CFAP46: variants seen among roughly 807,000 people sequenced by gnomAD.
CFAP46 encodes cilia and flagella associated protein 46.
Under a neutral mutation model 325.7 loss-of-function variants are expected in CFAP46, and 245 were observed. That is an observed-to-expected ratio of 0.75 (90% confidence interval 0.68 to 0.84). CFAP46 has a LOEUF of 0.84. Ranked by LOEUF, CFAP46 falls within the 40% of genes least tolerant of loss-of-function variation. The pLI, the probability that CFAP46 is intolerant of heterozygous loss-of-function variation, is 0.00. For synonymous variants in CFAP46, 1,523 were observed against 1,495.9 expected, an observed-to-expected ratio of 1.02 and a Z score of -0.42; for missense variants, 3,346 against 3,543.0, an observed-to-expected ratio of 0.94 and a Z score of 1.41.
chr10:132,939,713 G>A lies in CFAP46; in HGVS notation c.372-960C>T, dbSNP rs897751865. Among the ~76,000 whole-genome samples the A allele has an allele frequency of 2.6e-5, 4 of 152,258 alleles. No homozygotes were observed. The highest frequency in any genetic ancestry group is 9.6e-5 in the African/African-American group (4 of 41,548). On this transcript the variant is annotated intron_variant, in intron 4 of 57. Transcript: ENST00000368586. This position sits in a 1 kb window ranked among gnomAD's most constrained non-coding sequence, Gnocchi z 4.6. ...ACGGTCACGCCTGCTTGAGTCAGAG[G>A]GGTCATCATGGGACTCCAGCGGCCT...
At position 132,922,644 on chromosome 10, in the gene CFAP46, GGTCCTC is replaced by G. The variant is rs1564801996; in HGVS notation, c.1315_1320del (p.Glu439_Asp440del). 1.7e-5 allele frequency: 27 copies of G among 1,549,784 alleles called. No individual in the cohort carries two copies. Among genetic ancestry groups the G allele is most frequent in the Non-Finnish European group, 2.1e-5 (24 of 1,146,832 alleles). ...AGGTGCTCCGTGGCGGGCTCCAGCC[GGTCCTC>G]GTCCTCCTCGATCTGCGCCATCTCC... On this transcript the variant is annotated inframe_deletion, in exon 12 of 58. Transcript: ENST00000368586.
chr10:132,939,896 G>A lies in CFAP46; in HGVS notation c.371+1100C>T, dbSNP rs1651223221. ...GTCCCACTGACACTGCCCTGGACAA[G>A]CCAGCGCTGCCCTCTCTCTCCACAC... On this transcript the variant is annotated intron_variant, in intron 4 of 57. Transcript: ENST00000368586. This position sits in a 1 kb window ranked among gnomAD's most constrained non-coding sequence, Gnocchi z 4.6. 6.6e-6 allele frequency among the ~76,000 whole-genome samples: 1 copy of A among 152,166 alleles called. No homozygotes were observed. The highest frequency in any genetic ancestry group is 2.1e-4 in the South Asian group (1 of 4,822).
intron 41 of CFAP46, among the ~76,000 whole-genome samples, chr10:132,849,168 G>A (rs1161292340): frequency 6.6e-6 from 1 of 152,192 alleles, no homozygotes; most frequent in Non-Finnish European, 1.5e-5. Context: ...ACCATCAGCA[G>A]CATTCATGGA....
chr10:132,922,039 G>A, intron 13 of CFAP46, 65 bp downstream of exon 13: 1 of 1,509,698 alleles, frequency 6.6e-7, no homozygotes, highest in South Asian at 1.2e-5. Flanking sequence ...GGAGGCCCCG[G>A]GGCAGCCTGG....
At chr10:132,930,634 C>A (rs2135682066) in intron 8 of CFAP46, among the ~76,000 whole-genome samples, 1 of 113,148 alleles carries the variant, frequency 8.8e-6, no homozygotes, top group Admixed American at 8.6e-5. Context: ...TCCCTCCTCT[C>A]CACACAGAGC....
At chr10:132,864,771 G>A (rs1471460725) in intron 35 of CFAP46, among the ~76,000 whole-genome samples, 7 of 110,220 alleles carry the variant, frequency 6.4e-5, no homozygotes, top group African/African-American at 1.9e-4. Context: ...CCTGAGACCT[G>A]AACACACCTG....
intron 39 of CFAP46, among the ~76,000 whole-genome samples, chr10:132,852,965 CTG>C (rs1252661465): frequency 6.6e-6 from 1 of 152,208 alleles, no homozygotes; most frequent in Non-Finnish European, 1.5e-5. Context: ...TTGCATAGGA[CTG>C]TGTATGCAGA....
intron 6 of CFAP46, 75 bp downstream of exon 6, chr10:132,937,477 T>G: frequency 1.3e-6 from 2 of 1,572,400 alleles, no homozygotes; most frequent in Non-Finnish European, 1.7e-6. Flanking sequence ...CTTATGTAAT[T>G]TCTACGCAGT....
At chr10:132,834,902 A>G in intron 47 of CFAP46, 127 bp from the exon 48 acceptor site, 2 of 1,347,100 alleles carry the variant, frequency 1.5e-6, no homozygotes, top group Non-Finnish European at 2.0e-6. Context: ...GGACAAGGGC[A>G]CCTGGCTCGG....
intron 55 of CFAP46, among the ~76,000 whole-genome samples, chr10:132,812,126 C>T (rs559991899): frequency 1.1e-3 from 166 of 152,340 alleles, no homozygotes; most frequent in Non-Finnish European, 1.9e-3. Flanking sequence ...CCTGACCACT[C>T]GCCCTGCGGT....
At chr10:132,836,095 C>T in intron 46 of CFAP46, 47 bp downstream of exon 46, 1 of 1,516,804 alleles carries the variant, frequency 6.6e-7, no homozygotes, top group East Asian at 2.4e-5. Flanking sequence ...CTCGCCCATG[C>T]TCCGCCTGCC....
intron 8 of CFAP46, among the ~76,000 whole-genome samples, 189 bp downstream of exon 8, chr10:132,934,563 T>C (rs1168006818): frequency 6.6e-6 from 1 of 152,202 alleles, no homozygotes; most frequent in East Asian, 1.9e-4. Context: ...GGTATGAAAG[T>C]ATTCGCAAGA....
chr10:132,907,547 T>G (rs1400403436), intron 22 of CFAP46, among the ~76,000 whole-genome samples: 1 of 152,248 alleles, frequency 6.6e-6, no homozygotes, highest in African/African-American at 2.4e-5. Context: ...ATTTTCAAAT[T>G]TAATTAGCGT....
At position 132,834,158 on chromosome 10, in the gene CFAP46, CAG is replaced by C. The variant is rs1256691109; in HGVS notation, c.6867-37_6867-36del. The C allele has an allele frequency of 5.0e-6, 8 of 1,601,732 alleles. No individual in the cohort carries two copies. The African/African-American group carries it at 9.4e-5, about 19-fold the overall frequency. On this transcript the variant is annotated intron_variant, in intron 48 of 57. Transcript: ENST00000368586. ...AGGTTATATATTCGGGTTTAAGAAA[CAG>C]AGATAACAAACGCTTGGAATATAGG...
chr10:132,823,270 CTGA>C (rs1203442333), intron 50 of CFAP46, among the ~76,000 whole-genome samples: 2 of 97,042 alleles, frequency 2.1e-5, no homozygotes, highest in Non-Finnish European at 2.0e-5. Context: ...TGTGTGAGTG[CTGA>C]TGTGTGCTGT....
chr10:132,879,547 A>ACGCT lies in CFAP46; in HGVS notation c.3880_3883dup (p.Val1295GlufsTer69). The ACGCT allele has an allele frequency of 6.5e-7, 1 of 1,547,464 alleles. No individual in the cohort carries two copies. Among genetic ancestry groups the ACGCT allele is most frequent in the Non-Finnish European group, 8.7e-7 (1 of 1,146,116 alleles). On this transcript the variant is annotated frameshift_variant, in exon 29 of 58. Coordinates refer to ENST00000368586, the MANE Select transcript of CFAP46 (RefSeq NM_001200049.3). LOFTEE classifies it high-confidence loss of function. ...GCGGGCCAGCGCCTCCAGCTGCCGC[A>ACGCT]CGCTACGCAGCTGCTCCAAGGACAC...
chr10:132,899,467 G>T, intron 23 of CFAP46, 68 bp downstream of exon 23: 1 of 1,470,706 alleles, frequency 6.8e-7, no homozygotes. Context: ...CCACAGCCTT[G>T]GTGAGCACAG....
chr10:132,837,421 G>T (rs1057297148), intron 44 of CFAP46, among the ~76,000 whole-genome samples: 1 of 150,638 alleles, frequency 6.6e-6, no homozygotes, highest in African/African-American at 2.4e-5. Context: ...AGACATGCAC[G>T]GACACAGACA....
chr10:132,867,282 C>T (rs1208319092), intron 34 of CFAP46, 93 bp downstream of exon 34: 7 of 1,460,500 alleles, frequency 4.8e-6, no homozygotes, highest in Admixed American at 2.5e-5. Context: ...CACACACAGG[C>T]CGGCCGCCTG....
Sources: gnomAD v4.1 joint callset for allele counts (sites outside exome capture counted in the v4.1 genomes callset) on GRCh38, gnomAD v4.1.1 for gene constraint, Gnocchi (gnomAD v3.1) non-coding constraint, MANE v1.5 for transcripts, NCBI Gene and HGNC (gene_info 2026-07-23, HGNC 2026-07-21) for gene names.